Variants in GDAP1 observed in about 807,000 individuals in gnomAD.
GDAP1 encodes ganglioside induced differentiation associated protein 1.
GDAP1 carries 34 observed loss-of-function variants against 40.1 expected under a neutral mutation model. The observed-to-expected ratio is 0.85, with a 90% confidence interval of 0.64 to 1.13. GDAP1 has a LOEUF of 1.13. Ranked by LOEUF, GDAP1 falls within the 50% of genes most tolerant of loss-of-function variation. The pLI is 0.00. For synonymous variants in GDAP1, 170 were observed against 157.4 expected, an observed-to-expected ratio of 1.08 and a Z score of -0.60; for missense variants, 374 against 433.7, an observed-to-expected ratio of 0.86 and a Z score of 1.22.
At chr8:74,371,893 A>G (rs1312155918) in intron 2 of GDAP1, among the ~76,000 whole-genome samples, 1 of 151,800 alleles carries the variant, frequency 6.6e-6, no homozygotes. Context: ...CATTTACATT[A>G]GGTATATCTC....
intron 2 of GDAP1, among the ~76,000 whole-genome samples, chr8:74,384,435 T>C (rs1809996844): frequency 6.6e-6 from 1 of 152,204 alleles, no homozygotes; most frequent in Non-Finnish European, 1.5e-5. Context: ...GTTTTCCCTA[T>C]GAATGGAACT....
chr8:74,437,320 G>T (rs959140971), intron 2 of GDAP1, among the ~76,000 whole-genome samples: 1 of 152,108 alleles, frequency 6.6e-6, no homozygotes, highest in Non-Finnish European at 1.5e-5. Flanking sequence ...GCTTGTTGAA[G>T]ATCTACAGTT....
chr8:74,391,963 C>T (rs1810116853), intron 2 of GDAP1, among the ~76,000 whole-genome samples: 1 of 152,036 alleles, frequency 6.6e-6, no homozygotes, highest in South Asian at 2.1e-4. Context: ...GGATTACAGG[C>T]ATGCACCACC....
chr8:74,458,457 G>A (rs1035885290), intron 2 of GDAP1, among the ~76,000 whole-genome samples: 2 of 152,160 alleles, frequency 1.3e-5, no homozygotes, highest in African/African-American at 4.8e-5. Flanking sequence ...CAGTAGTGTA[G>A]AATGAATGTC....
At chr8:74,389,616 T>C (rs1586818709) in intron 2 of GDAP1, among the ~76,000 whole-genome samples, 1 of 152,180 alleles carries the variant, frequency 6.6e-6, no homozygotes, top group Non-Finnish European at 1.5e-5. Flanking sequence ...ATGTTTCTCC[T>C]TCATTTCAAC....
At chr8:74,468,645 T>C (rs376106642) in intron 2 of GDAP1, among the ~76,000 whole-genome samples, 2 of 152,156 alleles carry the variant, frequency 1.3e-5, no homozygotes, top group South Asian at 4.1e-4. Context: ...GATTCCTATA[T>C]AACTTTTTAC....
chr8:74,472,183 T>C (rs1353265381), intron 2 of GDAP1, among the ~76,000 whole-genome samples: 1 of 152,220 alleles, frequency 6.6e-6, no homozygotes, highest in East Asian at 1.9e-4. Flanking sequence ...AGTAAGACTA[T>C]GTTGTATTTG....
At chr8:74,464,596 C>A (rs1240723881) in intron 2 of GDAP1, among the ~76,000 whole-genome samples, 1 of 152,184 alleles carries the variant, frequency 6.6e-6, no homozygotes, top group Non-Finnish European at 1.5e-5. Flanking sequence ...ACCCTGAATG[C>A]TGGTTTTATA....
At chr8:74,488,271 G>T (rs775374672) in intron 2 of GDAP1, among the ~76,000 whole-genome samples, 1 of 152,040 alleles carries the variant, frequency 6.6e-6, no homozygotes. Context: ...GGAAGTTATT[G>T]GTAAAGAATA....
At chr8:74,476,140 AT>A (rs1321194519) in intron 2 of GDAP1, among the ~76,000 whole-genome samples, 1 of 151,930 alleles carries the variant, frequency 6.6e-6, no homozygotes, top group Non-Finnish European at 1.5e-5. Flanking sequence ...TGGTTGGCAG[AT>A]TTTTCTCCAT....
At chr8:74,381,780 T>G (rs969987570) in intron 2 of GDAP1, among the ~76,000 whole-genome samples, 1 of 140,300 alleles carries the variant, frequency 7.1e-6, no homozygotes, top group Non-Finnish European at 1.6e-5. Context: ...AAAAAAAAAG[T>G]AAGTACATGT....
intron 2 of GDAP1, among the ~76,000 whole-genome samples, chr8:74,395,226 T>G (rs543950999): frequency 6.6e-6 from 1 of 152,312 alleles, no homozygotes; most frequent in South Asian, 2.1e-4. Flanking sequence ...TGGACACCAC[T>G]TCAATAACAT....
At chr8:74,472,463 T>C (rs962507273) in intron 2 of GDAP1, among the ~76,000 whole-genome samples, 8 of 152,216 alleles carry the variant, frequency 5.3e-5, no homozygotes, top group African/African-American at 1.9e-4. Context: ...AGTAATGGGA[T>C]TGCTGGGTTA....
intron 2 of GDAP1, among the ~76,000 whole-genome samples, chr8:74,465,017 C>T (rs1010387841): frequency 2.0e-5 from 3 of 151,930 alleles, no homozygotes; most frequent in South Asian, 2.1e-4. Context: ...CTCAGGAGTT[C>T]GAGACCAGCC....
At chr8:74,374,107 C>A (rs1809806660) in intron 2 of GDAP1, among the ~76,000 whole-genome samples, 1 of 152,154 alleles carries the variant, frequency 6.6e-6, no homozygotes, top group African/African-American at 2.4e-5. Context: ...GGGATGAAGA[C>A]CACTTGATCA....
chr8:74,365,508 C>T lies in GDAP1; in HGVS notation c.*1141C>T, dbSNP rs566147187. On this transcript the variant is annotated 3_prime_UTR_variant, in exon 6 of 6. Transcript: ENST00000220822. ...TGGTTTGTGCTCAGAAAAAGTCTTTCATGGTGACAGGAAGACAGTTTCCCT... is the reference window on the plus strand; with the variant it reads ...TGGTTTGTGCTCAGAAAAAGTCTTTTATGGTGACAGGAAGACAGTTTCCCT... 549 of 454,086 alleles carry T rather than the reference C, an allele frequency of 1.2e-3. No individual in the cohort carries two copies. Among genetic ancestry groups the T allele is most frequent in the Admixed American group, 3.3e-3 (141 of 42,562 alleles). 28.1% of individuals were successfully genotyped at this position (454,086 alleles called of 1,614,324 possible).
downstream of GDAP1, among the ~76,000 whole-genome samples, chr8:74,370,853 G>A (rs1809736790): frequency 1.3e-5 from 2 of 152,184 alleles, no homozygotes; most frequent in African/African-American, 4.8e-5. Context: ...AAAAAGTGGA[G>A]TTTAAGACAG....
At chr8:74,433,887 A>G (rs1401735485) in intron 2 of GDAP1, among the ~76,000 whole-genome samples, 1 of 152,224 alleles carries the variant, frequency 6.6e-6, no homozygotes, top group Non-Finnish European at 1.5e-5. Context: ...TGGATTGGCA[A>G]TACTCTGTGT....
At chr8:74,421,012 A>G (rs934269014) in intron 2 of GDAP1, among the ~76,000 whole-genome samples, 1 of 152,064 alleles carries the variant, frequency 6.6e-6, no homozygotes, top group African/African-American at 2.4e-5. Context: ...TAGCTCTGGG[A>G]TAATCAGAAG....
Sources: gnomAD v4.1 joint callset for allele counts (sites outside exome capture counted in the v4.1 genomes callset) on GRCh38, gnomAD v4.1.1 for gene constraint, MANE v1.5 for transcripts, NCBI Gene and HGNC (gene_info 2026-07-23, HGNC 2026-07-21) for gene names.